The following STXBP5L variants were observed in gnomAD, a reference collection of about 807,000 sequenced individuals.
STXBP5L encodes the protein syntaxin binding protein 5L, also known as syntaxin-binding protein 5-like.
In STXBP5L, 65 loss-of-function variants were observed where a neutral mutation model predicts 144.5. The ratio of observed to expected loss-of-function variants is 0.45; its 90% CI spans 0.37 to 0.55. STXBP5L has a LOEUF of 0.55. Among genes scored for constraint, STXBP5L ranks in the 20% least tolerant of loss-of-function variants. The pLI, the probability that STXBP5L is intolerant of heterozygous loss-of-function variation, is 0.00. For missense variants in STXBP5L, 1,298 were observed against 1,405.5 expected (o/e 0.92, Z 1.22); for synonymous variants, 505 against 469.6 (o/e 1.08, Z -0.97).
chr3:121,107,608 A>G (rs567277430), intron 5 of STXBP5L, among the ~76,000 whole-genome samples: 84 of 152,192 alleles, frequency 5.5e-4, no homozygotes, highest in Middle Eastern at 3.4e-3. Flanking sequence ...TGTTTTGGTT[A>G]CTATAGCCTT....
At chr3:121,223,255 G>A in intron 11 of STXBP5L, 98 bp downstream of exon 11, 4 of 1,245,252 alleles carry the variant, frequency 3.2e-6, no homozygotes, top group Non-Finnish European at 4.4e-6. Flanking sequence ...TGTCTACTGT[G>A]GTATAACGCT....
chr3:121,209,955 G>A (rs1008973845), intron 10 of STXBP5L, among the ~76,000 whole-genome samples: 3 of 152,154 alleles, frequency 2.0e-5, no homozygotes, highest in African/African-American at 7.2e-5. Context: ...ACCCAATAAT[G>A]GGATGGCTGG....
rs143411904 is a variant in STXBP5L, at chr3:120,921,528, T to C, written c.189+11761T>C. On this transcript the variant is annotated intron_variant, in intron 2 of 26. Transcript: ENST00000471454. ...GCTTTCGTTGTGTGTACTTTTGAGGTCTTACAAAAAAATCATTGCCTAGAC... is the reference window on the plus strand; with the variant it reads ...GCTTTCGTTGTGTGTACTTTTGAGGCCTTACAAAAAAATCATTGCCTAGAC... Among the ~76,000 whole-genome samples the C allele has an allele frequency of 4.6e-3, 692 of 152,040 alleles. 6 individuals carry two copies. Among genetic ancestry groups the C allele is most frequent in the African/African-American group, 0.016 (661 of 41,540 alleles).
At chr3:121,362,338 G>A (rs998005105) in intron 20 of STXBP5L, among the ~76,000 whole-genome samples, 2 of 152,188 alleles carry the variant, frequency 1.3e-5, no homozygotes, top group East Asian at 1.9e-4. Flanking sequence ...TCTGCAAGTA[G>A]CAAAGCCAGC....
chr3:121,320,428 T>C (rs1458924616), intron 20 of STXBP5L, among the ~76,000 whole-genome samples: 1 of 152,138 alleles, frequency 6.6e-6, no homozygotes, highest in African/African-American at 2.4e-5. Flanking sequence ...TATCTAAGTA[T>C]GCCCCTTGTG....
At chr3:121,130,065 G>T (rs2044904968) in intron 7 of STXBP5L, among the ~76,000 whole-genome samples, 1 of 152,084 alleles carries the variant, frequency 6.6e-6, no homozygotes, top group Admixed American at 6.6e-5. Context: ...TCACCCAAAA[G>T]TCTGCCAGTT....
chr3:121,330,597 C>G (rs1342904079), intron 20 of STXBP5L, among the ~76,000 whole-genome samples: 1 of 152,142 alleles, frequency 6.6e-6, no homozygotes, highest in African/African-American at 2.4e-5. Flanking sequence ...AGTACCTCCC[C>G]TGGGTAACTA....
At chr3:121,035,359 T>C (rs967507049) in intron 3 of STXBP5L, among the ~76,000 whole-genome samples, 9 of 152,176 alleles carry the variant, frequency 5.9e-5, no homozygotes, top group Non-Finnish European at 1.3e-4. Context: ...CATTTAAGTC[T>C]TTACTCCATC....
intron 3 of STXBP5L, among the ~76,000 whole-genome samples, chr3:121,039,637 A>G (rs1947007204): frequency 6.6e-6 from 1 of 151,866 alleles, no homozygotes; most frequent in Non-Finnish European, 1.5e-5. Flanking sequence ...TTCATGATGA[A>G]TTATTTCAGT....
At chr3:121,105,156 A>G (rs1187363829) in intron 5 of STXBP5L, among the ~76,000 whole-genome samples, 1 of 152,160 alleles carries the variant, frequency 6.6e-6, no homozygotes, top group Non-Finnish European at 1.5e-5. Context: ...ACAGCACTTT[A>G]GGAAGCCGAG....
chr3:120,975,194 T>C (rs1458854724), intron 3 of STXBP5L, among the ~76,000 whole-genome samples: 1 of 152,238 alleles, frequency 6.6e-6, no homozygotes, highest in African/African-American at 2.4e-5. Context: ...ATTCTTCCAT[T>C]TGGTTGTATC....
chr3:121,346,231 C>T (rs1264113819), intron 20 of STXBP5L, among the ~76,000 whole-genome samples: 1 of 150,932 alleles, frequency 6.6e-6, no homozygotes, highest in East Asian at 2.0e-4. Flanking sequence ...CAATAGTTTG[C>T]TGAGAATGAT....
intron 3 of STXBP5L, among the ~76,000 whole-genome samples, chr3:120,983,960 T>C (rs1200383174): frequency 6.6e-6 from 1 of 152,206 alleles, no homozygotes; most frequent in Non-Finnish European, 1.5e-5. Context: ...GTCAGTCTCT[T>C]AACTGTGGCA....
intron 20 of STXBP5L, among the ~76,000 whole-genome samples, chr3:121,352,982 G>A (rs1487900546): frequency 6.6e-6 from 1 of 152,074 alleles, no homozygotes; most frequent in African/African-American, 2.4e-5. Flanking sequence ...GATGGATTAT[G>A]TTTATTTATT....
chr3:121,322,962 T>C (rs922237078), intron 20 of STXBP5L, among the ~76,000 whole-genome samples: 6 of 152,226 alleles, frequency 3.9e-5, no homozygotes, highest in Non-Finnish European at 7.3e-5. Flanking sequence ...CTGAGCACTT[T>C]TTGATATGTT....
At chr3:120,927,208 TACAGG>T (rs1478377697) in intron 2 of STXBP5L, among the ~76,000 whole-genome samples, 5 of 152,336 alleles carry the variant, frequency 3.3e-5, no homozygotes, top group African/African-American at 1.2e-4. Flanking sequence ...TTACTGGGAT[TACAGG>T]TGTGAGCCAC....
chr3:121,343,010 T>C (rs2044784850), intron 20 of STXBP5L, among the ~76,000 whole-genome samples: 1 of 151,762 alleles, frequency 6.6e-6, no homozygotes, highest in Non-Finnish European at 1.5e-5. Context: ...CAGCACCTGC[T>C]GTTTCCTGAC....
chr3:120,998,006 G>A (rs1256507224), intron 3 of STXBP5L, among the ~76,000 whole-genome samples: 1 of 152,128 alleles, frequency 6.6e-6, no homozygotes, highest in Admixed American at 6.6e-5. Flanking sequence ...AATAGTTGCA[G>A]ATAAAGCTTT....
At chr3:120,933,393 T>C (rs1710071946) in intron 2 of STXBP5L, among the ~76,000 whole-genome samples, 1 of 152,144 alleles carries the variant, frequency 6.6e-6, no homozygotes, top group South Asian at 2.1e-4. Context: ...AAACATTCTA[T>C]ACTGATGGAG....
Sources: gnomAD v4.1 joint callset for allele counts (sites outside exome capture counted in the v4.1 genomes callset) on GRCh38, gnomAD v4.1.1 for gene constraint, MANE v1.5 for transcripts, NCBI Gene and HGNC (gene_info 2026-07-23, HGNC 2026-07-21) for gene names.